CFAP299: variants seen among roughly 807,000 people sequenced by gnomAD.
CFAP299 encodes cilia- and flagella-associated protein 299.
CFAP299 carries 21 observed loss-of-function variants against 27.0 expected under a neutral mutation model. That is an observed-to-expected ratio of 0.78 (90% CI 0.55 to 1.12). The LOEUF (loss-of-function observed/expected upper bound fraction) is 1.12, where lower values mean the gene tolerates loss of function less well. CFAP299 is among the 50% of genes most tolerant of loss of function. The probability of loss-of-function intolerance (pLI) is 0.00; values close to 1 mark genes in which losing one functional copy is unlikely to be tolerated. For synonymous variants in CFAP299, 104 were observed against 98.1 expected, an observed-to-expected ratio of 1.06 and a Z score of -0.36; for missense variants, 310 against 276.6, an observed-to-expected ratio of 1.12 and a Z score of -0.86.
At position 80,890,832 on chromosome 4, in the gene CFAP299, T is replaced by C. The variant is rs548085415; in HGVS notation, c.476+20697T>C. ...GCCAGTGATGATGAGCATTTCTTCA[T>C]GTGTTTTTTGGCTGCATAAATGTCT... On this transcript the variant is annotated intron_variant, in intron 4 of 5. Transcript: ENST00000358105. Among the ~76,000 whole-genome samples the C allele has an allele frequency of 2.0e-3, 290 of 145,732 alleles. 1 individual carries two copies. Among genetic ancestry groups the C allele is most frequent in the Middle Eastern group, 0.014 (4 of 290 alleles).
chr4:80,499,252 A>G (rs1035354428), intron 2 of CFAP299, among the ~76,000 whole-genome samples: 1 of 152,272 alleles, frequency 6.6e-6, no homozygotes, highest in South Asian at 2.1e-4. Flanking sequence ...CAAAGCTGGA[A>G]AAAAGAAAAA....
intron 2 of CFAP299, among the ~76,000 whole-genome samples, chr4:80,449,209 C>T (rs1172125101): frequency 6.6e-6 from 1 of 151,952 alleles, no homozygotes; most frequent in African/African-American, 2.4e-5. Flanking sequence ...TTCAGTGTGA[C>T]TATTATTTGA....
In CFAP299 at chr4:80,963,522, G is replaced by C. The variant is rs776214275; in HGVS notation, c.612G>C (p.Gln204His). The C allele has an allele frequency of 3.1e-6, 5 of 1,590,054 alleles. No homozygotes were observed. Among genetic ancestry groups the C allele is most frequent in the Non-Finnish European group, 3.4e-6 (4 of 1,168,422 alleles). ...RKILNVDPKA[Q>H]PGDNSTRITI... ...ATGTAATTTATGTATTTTAGGCGCAGCCAGGTGACAACTCTACTAGAATCA... is the reference window on the plus strand; with the variant it reads ...ATGTAATTTATGTATTTTAGGCGCACCCAGGTGACAACTCTACTAGAATCA... The change falls in exon 6 of 6, where the codon CAG becomes CAC. Residue 204 changes from glutamine (Q) to histidine (H), a missense_variant. Physicochemically the swap from Gln to His is conservative, Grantham distance 24. Coordinates refer to ENST00000358105, the MANE Select transcript of CFAP299 (RefSeq NM_152770.3).
intron 1 of CFAP299, among the ~76,000 whole-genome samples, chr4:80,341,782 A>G (rs1228071703): frequency 1.3e-5 from 2 of 152,226 alleles, no homozygotes; most frequent in African/African-American, 4.8e-5. Flanking sequence ...AATAACTGCA[A>G]CAGGTCTCCA....
chr4:80,596,830 A>G (rs1371712568), intron 3 of CFAP299, among the ~76,000 whole-genome samples: 15 of 152,170 alleles, frequency 9.9e-5, no homozygotes. Context: ...TAAATGTTAT[A>G]TAAATAGAAC....
chr4:80,628,542 A>G (rs1739034329), intron 3 of CFAP299, among the ~76,000 whole-genome samples: 1 of 152,182 alleles, frequency 6.6e-6, no homozygotes, highest in Non-Finnish European at 1.5e-5. Flanking sequence ...GAGCAAAGAG[A>G]CAACGTGCAG....
Position 80,800,505 on chromosome 4 carries a change from TATATA to T in CFAP299, c.334-69482_334-69478del, listed in dbSNP as rs1728445748. 1.3e-3 allele frequency among the ~76,000 whole-genome samples: 5 copies of T among 3,784 alleles called. 1 individual carries two copies. Among genetic ancestry groups the T allele is most frequent in the African/African-American group, 3.4e-3 (5 of 1,482 alleles). The allele number at this position is 3,784 out of a possible 152,430, so 2.5% of individuals were successfully genotyped here. A position where few individuals can be genotyped will look rare whatever the true frequency, so the allele number is the denominator to read the frequency against. ...ATATAATATATAATATATAATATAT[TATATA>T]ATATATAATATATAATATATTATAT... On this transcript the variant is annotated intron_variant, in intron 3 of 5. Coordinates refer to ENST00000358105, the MANE Select transcript of CFAP299 (RefSeq NM_152770.3).
At chr4:80,368,872 A>G (rs1187945902) in intron 2 of CFAP299, among the ~76,000 whole-genome samples, 1 of 152,208 alleles carries the variant, frequency 6.6e-6, no homozygotes, top group Non-Finnish European at 1.5e-5. Context: ...AAACCAAAGC[A>G]ATACAGTTGT....
chr4:80,445,818 A>T (rs562696061), intron 2 of CFAP299, among the ~76,000 whole-genome samples: 1 of 152,362 alleles, frequency 6.6e-6, no homozygotes, highest in African/African-American at 2.4e-5. Context: ...TTTGTTATAC[A>T]TAATTTGTTG....
chr4:80,940,606 A>G (rs1274075963), intron 4 of CFAP299, among the ~76,000 whole-genome samples: 1 of 152,104 alleles, frequency 6.6e-6, no homozygotes, highest in Non-Finnish European at 1.5e-5. Flanking sequence ...GCTGTAGGGG[A>G]GTGAGGGCTG....
rs573703256 is a variant in CFAP299, at chr4:80,770,530, A to C, written c.334-99463A>C. ...CTATTTTTAAGTACAAACAAGGTACATATTAAAAACCAACTAATATTTCTG... is the reference window on the plus strand; with the variant it reads ...CTATTTTTAAGTACAAACAAGGTACCTATTAAAAACCAACTAATATTTCTG... On this transcript the variant is annotated intron_variant, in intron 3 of 5. Transcript: ENST00000358105. 5.3e-5 allele frequency among the ~76,000 whole-genome samples: 8 copies of C among 152,354 alleles called. No homozygotes were observed. The South Asian group carries it at 1.7e-3, about 32-fold the overall frequency.
At chr4:80,781,773 T>C (rs1173718963) in intron 3 of CFAP299, among the ~76,000 whole-genome samples, 1 of 150,470 alleles carries the variant, frequency 6.6e-6, no homozygotes, top group East Asian at 2.0e-4. Context: ...TAATTTAGGA[T>C]AAAGGAAGTG....
chr4:80,748,301 A>T (rs58878432), intron 3 of CFAP299, among the ~76,000 whole-genome samples: 7,678 of 152,178 alleles, frequency 0.05, 315 homozygotes, highest in East Asian at 0.22. Flanking sequence ...TTTAATTCAC[A>T]TTTAAGAGTT....
intron 3 of CFAP299, among the ~76,000 whole-genome samples, chr4:80,805,771 G>T (rs755820233): frequency 6.6e-6 from 1 of 152,180 alleles, no homozygotes; most frequent in Admixed American, 6.5e-5. Context: ...CAGCTCAGGA[G>T]GGTGAGGCAG....
intron 3 of CFAP299, among the ~76,000 whole-genome samples, chr4:80,855,938 G>A (rs1731849984): frequency 1.3e-5 from 2 of 151,628 alleles, no homozygotes; most frequent in Non-Finnish European, 2.9e-5. Flanking sequence ...GGGATGGCTG[G>A]GTCAAATGGT....
chr4:80,924,033 T>G (rs978124434), intron 4 of CFAP299, among the ~76,000 whole-genome samples: 2 of 151,940 alleles, frequency 1.3e-5, no homozygotes, highest in African/African-American at 4.8e-5. Flanking sequence ...AAGGGAGAGA[T>G]GAAACTGATG....
intron 2 of CFAP299, among the ~76,000 whole-genome samples, chr4:80,480,758 T>C (rs924223942): frequency 5.3e-5 from 8 of 152,064 alleles, no homozygotes; most frequent in Admixed American, 2.0e-4. Context: ...TTAGTATGTG[T>C]TGAAAAATTC....
At chr4:80,540,115 C>A (rs949168266) in intron 2 of CFAP299, among the ~76,000 whole-genome samples, 4 of 152,168 alleles carry the variant, frequency 2.6e-5, no homozygotes, top group African/African-American at 9.7e-5. Context: ...TAAATGCTGT[C>A]GCTTGTGAGT....
intron 3 of CFAP299, among the ~76,000 whole-genome samples, chr4:80,859,102 G>T (rs1002209373): frequency 2.6e-5 from 4 of 152,094 alleles, no homozygotes; most frequent in African/African-American, 9.7e-5. Context: ...TCCTGTATTG[G>T]GTGCATATAT....
Sources: allele counts gnomAD v4.1 joint callset (sites outside exome capture counted in the v4.1 genomes callset), GRCh38; gene constraint gnomAD v4.1.1; transcripts MANE v1.5; gene names NCBI Gene and HGNC (gene_info 2026-07-23, HGNC 2026-07-21).